ELP3: variants seen among roughly 807,000 people sequenced by gnomAD.
The protein encoded by ELP3 is elongator complex protein 3.
ELP3 carries 56 observed loss-of-function variants against 74.9 expected under a neutral mutation model. The ratio of observed to expected loss-of-function variants is 0.75; its 90% CI spans 0.60 to 0.93. The LOEUF is 0.93. Among genes scored for constraint, ELP3 ranks in the 40% least tolerant of loss-of-function variants. ELP3 has a pLI of 0.00. For missense variants in ELP3, 573 were observed against 686.5 expected (o/e 0.83, Z 1.85); for synonymous variants, 222 against 239.8 (o/e 0.93, Z 0.68).
intron 3 of ELP3, among the ~76,000 whole-genome samples, chr8:28,105,871 G>A (rs1015783914): frequency 2.6e-5 from 4 of 152,124 alleles, no homozygotes; most frequent in African/African-American, 7.2e-5. Flanking sequence ...GCCTCCTGTC[G>A]TCACCTCACT....
chr8:28,156,906 TATTG>T (rs1813848780), intron 11 of ELP3, among the ~76,000 whole-genome samples: 1 of 152,176 alleles, frequency 6.6e-6, no homozygotes, highest in Non-Finnish European at 1.5e-5. Flanking sequence ...TTGTGAATAT[TATTG>T]GCATATTCTA....
intron 2 of ELP3, among the ~76,000 whole-genome samples, chr8:28,099,351 G>A (rs1811380985): frequency 6.6e-6 from 1 of 151,996 alleles, no homozygotes; most frequent in African/African-American, 2.4e-5. Flanking sequence ...AGGACATTTG[G>A]CAATGTCTAG....
intron 4 of ELP3, 26 bp downstream of exon 4, chr8:28,106,809 G>A: frequency 6.3e-7 from 1 of 1,579,828 alleles, no homozygotes; most frequent in Non-Finnish European, 8.7e-7. Flanking sequence ...TTATTAAATT[G>A]TATGTATGTT....
At chr8:28,125,577 A>G (rs187295426) in intron 7 of ELP3, among the ~76,000 whole-genome samples, 15 of 152,324 alleles carry the variant, frequency 9.8e-5, no homozygotes, top group Admixed American at 7.2e-4. Context: ...TCAGTGTGCT[A>G]TCTTCCTTCC....
At chr8:28,109,406 C>T (rs1179410912) in intron 5 of ELP3, among the ~76,000 whole-genome samples, 1 of 152,106 alleles carries the variant, frequency 6.6e-6, no homozygotes. Flanking sequence ...AAAAGGCTTC[C>T]TCTCATTCCT....
At chr8:28,110,146 A>T (rs1056543080) in intron 5 of ELP3, among the ~76,000 whole-genome samples, 7 of 152,176 alleles carry the variant, frequency 4.6e-5, no homozygotes, top group African/African-American at 1.7e-4. Context: ...TGATCCAAGG[A>T]GACACCCTGC....
At chr8:28,102,535 TC>T (rs1184171612) in intron 3 of ELP3, among the ~76,000 whole-genome samples, 11 of 152,208 alleles carry the variant, frequency 7.2e-5, no homozygotes, top group Non-Finnish European at 1.6e-4. Context: ...TGGTGGCCAT[TC>T]CCTATCTACT....
intron 9 of ELP3, among the ~76,000 whole-genome samples, chr8:28,134,108 C>G (rs1585686776): frequency 6.6e-6 from 1 of 152,150 alleles, no homozygotes; most frequent in African/African-American, 2.4e-5. Context: ...TCCGCCTGCC[C>G]CCCACCCCAC....
chr8:28,108,388 T>C (rs978582321), intron 5 of ELP3, among the ~76,000 whole-genome samples: 1 of 152,116 alleles, frequency 6.6e-6, no homozygotes. Flanking sequence ...TACCACTACA[T>C]TGTACTGTCA....
intron 14 of ELP3, among the ~76,000 whole-genome samples, chr8:28,178,584 C>T (rs1340091467): frequency 6.6e-6 from 1 of 152,190 alleles, no homozygotes; most frequent in Non-Finnish European, 1.5e-5. Flanking sequence ...TTAACTCTTG[C>T]TGGGTTTCCA....
At chr8:28,118,203 T>A (rs191355875) in intron 7 of ELP3, among the ~76,000 whole-genome samples, 1 of 152,346 alleles carries the variant, frequency 6.6e-6, no homozygotes, top group East Asian at 1.9e-4. Context: ...TTGTGACCTA[T>A]GAGTCAGCAA....
At chr8:28,187,221 C>G (rs1338327933) in intron 14 of ELP3, among the ~76,000 whole-genome samples, 3 of 152,200 alleles carry the variant, frequency 2.0e-5, no homozygotes, top group Non-Finnish European at 2.9e-5. Flanking sequence ...CTTTTCACCA[C>G]TGTGACTCAG....
At chr8:28,164,931 T>G (rs1268893798) in intron 14 of ELP3, among the ~76,000 whole-genome samples, 1 of 152,136 alleles carries the variant, frequency 6.6e-6, no homozygotes, top group Non-Finnish European at 1.5e-5. Context: ...AGGCAGTTAT[T>G]CTCCATAAAT....
rs138536211 is a variant in ELP3 at position 28,184,605 on chromosome 8, G to A, written c.1568-5044G>A. ...TGAACTTTCTGGTTATCCAAGGACT[G>A]TCCAGTCCTGTGTTAGATGTAAGGA... On this transcript the variant is annotated intron_variant, in intron 14 of 14. Coordinates refer to ENST00000256398, the MANE Select transcript of ELP3 (RefSeq NM_018091.6). Among the ~76,000 whole-genome samples the A allele has an allele frequency of 4.6e-5, 7 of 152,296 alleles. No homozygotes were observed. In the East Asian group the frequency reaches 1.4e-3, roughly 29 times the overall value.
intron 7 of ELP3, among the ~76,000 whole-genome samples, chr8:28,121,308 T>C (rs1812357521): frequency 6.8e-6 from 1 of 146,412 alleles, no homozygotes; most frequent in Admixed American, 6.8e-5. Flanking sequence ...TTTTAAATTT[T>C]ATTATTATTA....
rs747580164 is a variant in ELP3, at chr8:28,137,802, T to C, written c.1011T>C (p.Tyr337=). The C allele has an allele frequency of 4.3e-6, 7 of 1,613,998 alleles. No individual in the cohort carries two copies. In the Admixed American group the frequency reaches 8.3e-5, roughly 19 times the overall value. ...ATGAGCTTTGGAAATCAGGAAGATA[T>C]AAGAGTTACTCTCCTAGTGACCTGG... The part of the protein sequence containing the change: ...GLYELWKSGR[Y]KSYSPSDLVE... The change falls in exon 10 of 15, where the codon TAT becomes TAC. Residue 337 remains tyrosine (Y), a synonymous_variant. Transcript: ENST00000256398.
rs146779413 is a variant in ELP3, at chr8:28,147,387, G to A, written c.1101-8555G>A. Among the ~76,000 whole-genome samples, 169 of 152,332 alleles carry A rather than the reference G, an allele frequency of 1.1e-3. No individual in the cohort carries two copies. The highest frequency in any genetic ancestry group is 3.8e-3 in the African/African-American group (157 of 41,578). On this transcript the variant is annotated intron_variant, in intron 10 of 14. Transcript: ENST00000256398. The surrounding 1 kb of genome is among the most constrained non-coding windows in gnomAD (Gnocchi z 4.5). The stretch of plus-strand genomic sequence containing the variant: ...GAGTGCAGAGATGGCAACTGCAGTT[G>A]TTGGGAGATTAGTTACATTGAGCAA...
intron 7 of ELP3, among the ~76,000 whole-genome samples, chr8:28,124,492 T>C (rs754924798): frequency 6.6e-5 from 10 of 152,228 alleles, no homozygotes; most frequent in African/African-American, 1.4e-4. Context: ...CTAAAAGATA[T>C]GTTCACAAGT....
At chr8:28,128,632 C>T (rs1186504676) in intron 7 of ELP3, among the ~76,000 whole-genome samples, 5 of 152,302 alleles carry the variant, frequency 3.3e-5, no homozygotes, top group Middle Eastern at 6.8e-3. Flanking sequence ...GCTCTGTGCC[C>T]TTGAACATGC....
Sources: allele counts gnomAD v4.1 joint callset (sites outside exome capture counted in the v4.1 genomes callset), GRCh38; gene constraint gnomAD v4.1.1; non-coding constraint Gnocchi (gnomAD v3.1); transcripts MANE v1.5; gene names NCBI Gene and HGNC (gene_info 2026-07-23, HGNC 2026-07-21).